DNAH17: variants seen among roughly 807,000 people sequenced by gnomAD.
DNAH17 encodes the protein axonemal beta dynein heavy chain 17.
DNAH17 carries 376 observed loss-of-function variants against 485.6 expected under a neutral mutation model. The observed-to-expected ratio is 0.77, with a 90% CI of 0.71 to 0.84. The LOEUF is 0.84. DNAH17 is among the 40% of genes least tolerant of loss of function. The pLI, the probability that DNAH17 is intolerant of heterozygous loss-of-function variation, is 0.00. For synonymous variants in DNAH17, 3,031 were observed against 2,405.9 expected, an observed-to-expected ratio of 1.26 and a Z score of -7.60; for missense variants, 6,370 against 5,839.3, an observed-to-expected ratio of 1.09 and a Z score of -2.96.
At chr17:78,526,415 GAC>G (rs1445102131) in intron 24 of DNAH17, among the ~76,000 whole-genome samples, 1 of 152,142 alleles carries the variant, frequency 6.6e-6, no homozygotes, top group Admixed American at 6.5e-5. Context: ...TGAGCTGCGA[GAC>G]ACAGAGGGGA....
intron 26 of DNAH17, among the ~76,000 whole-genome samples, chr17:78,510,998 C>A (rs954069328): frequency 1.3e-5 from 2 of 152,184 alleles, no homozygotes; most frequent in Admixed American, 6.5e-5. Context: ...ATGCCTGGAG[C>A]CCCCAGAAGC....
intron 34 of DNAH17, 122 bp downstream of exon 34, chr17:78,501,620 C>G (rs2090293213): frequency 1.4e-6 from 2 of 1,402,210 alleles, no homozygotes; most frequent in Admixed American, 4.1e-5. Context: ...GCAGCTGCAG[C>G]CAGCAACAGA....
At chr17:78,474,695 C>G (rs1294176628) in intron 54 of DNAH17, among the ~76,000 whole-genome samples, 1 of 152,098 alleles carries the variant, frequency 6.6e-6, no homozygotes, top group Non-Finnish European at 1.5e-5. Flanking sequence ...CACGGACACG[C>G]ACACTGGCTG....
chr17:78,560,901 G>T lies in DNAH17; in HGVS notation c.1870C>A (p.Gln624Lys), dbSNP rs374176017. Residue 624 changes from glutamine (Q) to lysine (K), a missense_variant, in exon 13 of 81, where the codon CAG becomes AAG. Physicochemically the swap from Gln to Lys is moderately conservative, Grantham distance 53. Transcript: ENST00000389840. ...AGCTCCATCATCTCGTCATACTTCTGATAGGTCAGCTTGGCCTCTGCTCCA... is the reference window on the plus strand; with the variant it reads ...AGCTCCATCATCTCGTCATACTTCTTATAGGTCAGCTTGGCCTCTGCTCCA... ...MSGAEAKLTY[Q>K]KYDEMMELLR... The T allele has an allele frequency of 5.2e-6, 8 of 1,551,096 alleles. No individual in the cohort carries two copies. Among genetic ancestry groups the T allele is most frequent in the Non-Finnish European group, 6.1e-6 (7 of 1,147,106 alleles).
At chr17:78,530,657 G>T in intron 20 of DNAH17, 145 bp from the exon 21 acceptor site, 1 of 928,594 alleles carries the variant, frequency 1.1e-6, no homozygotes. Flanking sequence ...GCAAAGGGCA[G>T]TACGGGACAC....
chr17:78,463,570 GCACA>G (rs1446643156), intron 56 of DNAH17, among the ~76,000 whole-genome samples: 5 of 152,278 alleles, frequency 3.3e-5, no homozygotes, highest in East Asian at 1.9e-4. Context: ...ATATACACAT[GCACA>G]CACATTCACA....
intron 41 of DNAH17, among the ~76,000 whole-genome samples, chr17:78,493,554 C>T (rs1191685451): frequency 6.6e-6 from 1 of 152,238 alleles, no homozygotes; most frequent in East Asian, 1.9e-4. Context: ...TGGTGAGCTT[C>T]CCCATGTGAC....
intron 33 of DNAH17, 49 bp from the exon 34 acceptor site, chr17:78,501,922 C>G (rs765684786): frequency 1.2e-6 from 2 of 1,607,022 alleles, no homozygotes; most frequent in Non-Finnish European, 1.7e-6. Context: ...CCCACATGCA[C>G]TGGGGGGTCT....
In DNAH17 at chr17:78,441,162, C is replaced by T. The variant is rs779355469; in HGVS notation, c.11566G>A (p.Glu3856Lys). 2 of 1,613,914 alleles carry T rather than the reference C, an allele frequency of 1.2e-6. No homozygotes were observed. The highest frequency in any genetic ancestry group is 1.7e-6 in the Non-Finnish European group (2 of 1,179,874). Residue 3856 changes from glutamate (E) to lysine (K), a missense_variant, in exon 72 of 81, where the codon GAA becomes AAA. Transcript: ENST00000389840. ...TTAGAAAACTCAACACTCCGGCCTT[C>T]CACGAACTTGCTGCCCATCTTTTCC... ...VEEKMGSKFV[E>K]GRSVEFSKSY...
rs1555698902 is a variant in DNAH17 at position 78,573,940 on chromosome 17, C to CG, written c.345+772_345+773insC. ...CCGAATCCCCAAAGTGTGTCCCCCC[C>CG]ACCTACACAGCACCTGCCAAGGGGG... On this transcript the variant is annotated intron_variant, in intron 2 of 80. Transcript: ENST00000389840. 1.7e-3 allele frequency among the ~76,000 whole-genome samples: 253 copies of CG among 152,154 alleles called. 1 individual carries two copies. Among genetic ancestry groups the CG allele is most frequent in the African/African-American group, 5.7e-3 (238 of 41,502 alleles).
At chr17:78,433,956 G>GGAGGGAAGGAGGGAGGGAAGGAGT in intron 75 of DNAH17, 73 bp downstream of exon 75, 1 of 1,286,484 alleles carries the variant, frequency 7.8e-7, no homozygotes, top group Non-Finnish European at 1.1e-6. Flanking sequence ...AGGGAAGGAG[G>GGAGGGAAGGAGGGAGGGAAGGAGT]GAGGGAAGGA....
intron 80 of DNAH17, chr17:78,424,951 G>T (rs1261680141): frequency 1.2e-5 from 2 of 167,248 alleles, no homozygotes; most frequent in Non-Finnish European, 2.6e-5. Context: ...GTGAGACTGG[G>T]CCAGCCAGCA....
chr17:78,530,329 G>A lies in DNAH17; in HGVS notation c.3284+14C>T. 2 of 1,596,788 alleles carry A rather than the reference G, an allele frequency of 1.3e-6. No individual in the cohort carries two copies. The highest frequency in any genetic ancestry group is 1.1e-5 in the South Asian group (1 of 90,120). On this transcript the variant is annotated intron_variant, in intron 21 of 80. Coordinates refer to ENST00000389840, the MANE Select transcript of DNAH17 (RefSeq NM_173628.4). ...CATTCCTTGGGCTCCCCGAGTACATGGCTGGGGACCCACCTGTTGGTGACG... is the reference window on the plus strand; with the variant it reads ...CATTCCTTGGGCTCCCCGAGTACATAGCTGGGGACCCACCTGTTGGTGACG...
At chr17:78,477,363 T>C (rs1418236157) in intron 51 of DNAH17, among the ~76,000 whole-genome samples, 1 of 148,184 alleles carries the variant, frequency 6.7e-6, no homozygotes, top group East Asian at 1.9e-4. Context: ...GCATTTGGGC[T>C]GATACTTTAT....
At chr17:78,513,741 C>A (rs1160027018) in intron 26 of DNAH17, among the ~76,000 whole-genome samples, 1 of 152,104 alleles carries the variant, frequency 6.6e-6, no homozygotes, top group Non-Finnish European at 1.5e-5. Flanking sequence ...CGGCTTTCCT[C>A]TATTTAATCT....
rs75363911 is a variant in DNAH17 at position 78,471,310 on chromosome 17, G to A, written c.8512-2427C>T. 2.4e-3 allele frequency among the ~76,000 whole-genome samples: 371 copies of A among 152,296 alleles called. 2 individuals carry two copies. The highest frequency in any genetic ancestry group is 7.8e-3 in the African/African-American group (324 of 41,542). On this transcript the variant is annotated intron_variant, in intron 54 of 80. Transcript: ENST00000389840. Reference sequence around the variant, plus strand: ...ACAAGCTAAGAAAAAGCAAGGGGAAGCTCTGAGCCTGGAAAAGCAGGTGGG... The same window carrying A: ...ACAAGCTAAGAAAAAGCAAGGGGAAACTCTGAGCCTGGAAAAGCAGGTGGG...
Position 78,506,882 on chromosome 17 carries a change from C to T in DNAH17, c.4677-36G>A, listed in dbSNP as rs577996305. 5.6e-6 allele frequency: 9 copies of T among 1,613,032 alleles called. No individual in the cohort carries two copies. In the East Asian group the frequency reaches 2.0e-4, roughly 36 times the overall value. ...GGAAGGAAGTAGAGGAGGCCGGTGACCCTACTCTGTAGGGATGTCTGCCAC... is the reference window on the plus strand; with the variant it reads ...GGAAGGAAGTAGAGGAGGCCGGTGATCCTACTCTGTAGGGATGTCTGCCAC... On this transcript the variant is annotated intron_variant, in intron 29 of 80. Coordinates refer to ENST00000389840, the MANE Select transcript of DNAH17 (RefSeq NM_173628.4).
At chr17:78,498,892 C>T (rs576183254) in intron 37 of DNAH17, 116 bp downstream of exon 37, 6 of 750,394 alleles carry the variant, frequency 8.0e-6, no homozygotes, top group Non-Finnish European at 1.2e-5. Flanking sequence ...CACCACCCTT[C>T]GGTGCTTGGA....
At chr17:78,576,404 C>T (rs2092433493) in intron 1 of DNAH17, among the ~76,000 whole-genome samples, 1 of 152,114 alleles carries the variant, frequency 6.6e-6, no homozygotes, top group Admixed American at 6.6e-5. Context: ...CAGCAAATGG[C>T]AGAAACATGG....
Sources: allele counts gnomAD v4.1 joint callset (sites outside exome capture counted in the v4.1 genomes callset), GRCh38; gene constraint gnomAD v4.1.1; transcripts MANE v1.5; gene names NCBI Gene and HGNC (gene_info 2026-07-23, HGNC 2026-07-21).